Variants in ACVR1 observed in about 807,000 individuals in gnomAD.
ACVR1 encodes activin A receptor type 1.
In ACVR1, 38 loss-of-function variants were observed where a neutral mutation model predicts 57.1. The observed-to-expected ratio is 0.67, with a 90% CI of 0.51 to 0.87. The LOEUF (loss-of-function observed/expected upper bound fraction) is 0.87. ACVR1 is among the 40% of genes least tolerant of loss of function. ACVR1 has a pLI of 0.00. For synonymous variants in ACVR1, 212 were observed against 228.1 expected (o/e 0.93, Z 0.63); for missense variants, 463 against 638.2 (o/e 0.73, Z 2.96).
chr2:157,768,636 G>T (rs2105264160), intron 7 of ACVR1, among the ~76,000 whole-genome samples: 2 of 152,240 alleles, frequency 1.3e-5, no homozygotes, highest in South Asian at 4.1e-4. Context: ...CTTTTTAACT[G>T]TTTATCTCTT....
chr2:157,794,534 T>G (rs1687033509), intron 3 of ACVR1, among the ~76,000 whole-genome samples: 1 of 152,116 alleles, frequency 6.6e-6, no homozygotes, highest in African/African-American at 2.4e-5. Context: ...AATGAAAAAT[T>G]TTGAAGAGGA....
At chr2:157,750,819 A>G (rs1269213648) in intron 9 of ACVR1, among the ~76,000 whole-genome samples, 1 of 152,186 alleles carries the variant, frequency 6.6e-6, no homozygotes, top group Non-Finnish European at 1.5e-5. Context: ...GAGATATAAG[A>G]GAACACAAGT....
At position 157,763,680 on chromosome 2, in the gene ACVR1, C is replaced by T. The variant is rs1284690121; in HGVS notation, c.1066+2241G>A. Reference sequence around the variant, plus strand: ...GAGGCTGCAGTGACCTATGATCAGCCTGGGCAACAGAATAAGATCCTCTCT... The same window carrying T: ...GAGGCTGCAGTGACCTATGATCAGCTTGGGCAACAGAATAAGATCCTCTCT... On this transcript the variant is annotated intron_variant, in intron 8 of 10. Transcript: ENST00000434821. Among the ~76,000 whole-genome samples the T allele has an allele frequency of 2.0e-5, 3 of 152,150 alleles. No homozygotes were observed. In the East Asian group the frequency reaches 5.8e-4, roughly 29 times the overall value.
chr2:157,766,155 G>A lies in ACVR1; in HGVS notation c.832C>T (p.Gln278Ter). 6.2e-7 allele frequency: 1 copy of A among 1,614,054 alleles called. No individual in the cohort carries two copies. Reference protein sequence around the residue: ...SDMTSRHSSTQLWLITHYHEM... With the variant: ...SDMTSRHSST ...TGATAATGTGTAATTAACCACAGCT[G>A]GGTACTGGAGTGTCTTGATGTCATG... Residue 278 changes from glutamine to a stop codon, truncating the protein, a stop_gained, in exon 8 of 11, where the codon CAG becomes TAG. Transcript: ENST00000434821. LOFTEE classifies it high-confidence loss of function.
At chr2:157,803,091 C>T (rs1250743467) in intron 2 of ACVR1, among the ~76,000 whole-genome samples, 1 of 151,720 alleles carries the variant, frequency 6.6e-6, no homozygotes, top group Admixed American at 6.6e-5. Context: ...CAACAGTTAA[C>T]AAGCTTCAAA....
intron 1 of ACVR1, among the ~76,000 whole-genome samples, chr2:157,848,529 C>G (rs1320839571): frequency 6.6e-6 from 1 of 152,180 alleles, no homozygotes; most frequent in Admixed American, 6.5e-5. Flanking sequence ...CATTGTGGAA[C>G]AGAGACAAGC....
chr2:157,875,689 G>C (rs1430883276), intron 1 of ACVR1, 107 bp downstream of exon 1: 1 of 152,036 alleles, frequency 6.6e-6, no homozygotes, highest in Non-Finnish European at 1.5e-5. Flanking sequence ...GGGAGGCACC[G>C]CAGACGCCCA....
chr2:157,800,349 T>C (rs1160573992), intron 2 of ACVR1, among the ~76,000 whole-genome samples: 4 of 152,222 alleles, frequency 2.6e-5, no homozygotes, highest in Middle Eastern at 6.8e-3. Context: ...TTATTTAGGC[T>C]GGGTGCGGTG....
chr2:157,860,535 A>C (rs990864378), intron 1 of ACVR1, among the ~76,000 whole-genome samples: 6 of 152,228 alleles, frequency 3.9e-5, no homozygotes, highest in Admixed American at 6.5e-5. Context: ...CCAATTTCTC[A>C]AAACTTTCAA....
intron 4 of ACVR1, among the ~76,000 whole-genome samples, chr2:157,779,360 A>T (rs1240641296): frequency 6.6e-6 from 1 of 152,210 alleles, no homozygotes; most frequent in Non-Finnish European, 1.5e-5. Flanking sequence ...AACCATGTAA[A>T]TACTTGATCT....
chr2:157,842,155 C>A (rs536715111), intron 1 of ACVR1, among the ~76,000 whole-genome samples: 55 of 152,118 alleles, frequency 3.6e-4, no homozygotes, highest in African/African-American at 1.3e-3. Context: ...AAAAGTAGAA[C>A]CCCCAACAGT....
chr2:157,794,325 T>C (rs928434675), intron 3 of ACVR1, among the ~76,000 whole-genome samples: 2 of 152,156 alleles, frequency 1.3e-5, no homozygotes, highest in Non-Finnish European at 2.9e-5. Flanking sequence ...CAGCTAGAGT[T>C]GTATATATAA....
In ACVR1 at chr2:157,778,344, T is replaced by G; in HGVS notation, c.332-2A>C. 6.2e-7 allele frequency: 1 copy of G among 1,612,618 alleles called. No homozygotes were observed. The highest frequency in any genetic ancestry group is 8.5e-7 in the Non-Finnish European group (1 of 1,179,028). On this transcript the variant is annotated splice_acceptor_variant, in intron 4 of 10. Coordinates refer to ENST00000434821, the MANE Select transcript of ACVR1 (RefSeq NM_001111067.4). LOFTEE classifies it high-confidence loss of function. ...TCTGTGTTCCAGGGAAGGATTTTCC[T>G]GGAGTTGGAGGGAAAAGGGGGAATT...
chr2:157,871,347 G>A (rs1353613963), intron 1 of ACVR1, among the ~76,000 whole-genome samples: 3 of 152,190 alleles, frequency 2.0e-5, no homozygotes, highest in Non-Finnish European at 4.4e-5. Flanking sequence ...AAAAAGGAGG[G>A]GAGTGAGGGG....
chr2:157,852,688 T>C (rs1177452656), intron 1 of ACVR1, among the ~76,000 whole-genome samples: 1 of 152,206 alleles, frequency 6.6e-6, no homozygotes, highest in Non-Finnish European at 1.5e-5. Flanking sequence ...ACCAATTTTA[T>C]CACAAACATC....
chr2:157,793,423 G>A (rs1372307654), intron 3 of ACVR1, among the ~76,000 whole-genome samples: 1 of 151,996 alleles, frequency 6.6e-6, no homozygotes, highest in Non-Finnish European at 1.5e-5. Context: ...CACTTCCCAG[G>A]AAGGAAAGGC....
chr2:157,764,136 G>A (rs1422502909), intron 8 of ACVR1, among the ~76,000 whole-genome samples: 1 of 152,018 alleles, frequency 6.6e-6, no homozygotes, highest in Non-Finnish European at 1.5e-5. Flanking sequence ...CCAGAATCCG[G>A]TGAGGTGGGC....
chr2:157,777,446 G>A (rs1686334853), intron 5 of ACVR1, among the ~76,000 whole-genome samples: 1 of 152,108 alleles, frequency 6.6e-6, no homozygotes, highest in Non-Finnish European at 1.5e-5. Flanking sequence ...TTTTTTAATC[G>A]ATTATACGTT....
intron 9 of ACVR1, among the ~76,000 whole-genome samples, chr2:157,744,382 G>A (rs1254812467): frequency 6.6e-6 from 1 of 152,150 alleles, no homozygotes; most frequent in Non-Finnish European, 1.5e-5. Context: ...CTTCAGGTGT[G>A]GCACGTGAGA....
Sources: gnomAD v4.1 joint callset for allele counts (sites outside exome capture counted in the v4.1 genomes callset) on GRCh38, gnomAD v4.1.1 for gene constraint, MANE v1.5 for transcripts, NCBI Gene and HGNC (gene_info 2026-07-23, HGNC 2026-07-21) for gene names.